Variants in CHODL observed in about 807,000 individuals in gnomAD.
CHODL encodes chondrolectin, also known as transmembrane protein MT75.
Under a neutral mutation model 34.5 loss-of-function variants are expected in CHODL, and 29 were observed. That is an observed-to-expected ratio of 0.84 (90% CI 0.63 to 1.15). The LOEUF is 1.15. Among genes scored for constraint, CHODL ranks in the 50% most tolerant of loss-of-function variants. CHODL has a pLI of 0.00. For missense variants in CHODL, 332 were observed against 332.5 expected (o/e 1.00, Z 0.01); for synonymous variants, 125 against 116.1 (o/e 1.08, Z -0.49).
chr21:18,181,674 G>A (rs1317609561), intron 2 of CHODL, among the ~76,000 whole-genome samples: 5 of 152,174 alleles, frequency 3.3e-5, no homozygotes, highest in Non-Finnish European at 5.9e-5. Context: ...ACAGGCGTGA[G>A]CCACCGCGCC....
intron 2 of CHODL, among the ~76,000 whole-genome samples, chr21:18,216,198 A>T (rs2073826373): frequency 6.6e-6 from 1 of 151,938 alleles, no homozygotes; most frequent in Non-Finnish European, 1.5e-5. Context: ...TAATATTTTG[A>T]TATATGCATA....
intron 2 of CHODL, among the ~76,000 whole-genome samples, chr21:18,045,469 G>C (rs1460007716): frequency 6.6e-6 from 1 of 151,926 alleles, no homozygotes; most frequent in Non-Finnish European, 1.5e-5. Flanking sequence ...ACAGATTGGA[G>C]TTCAGTTGCC....
rs139411020 is a variant in CHODL at position 18,130,792 on chromosome 21, C to T, written c.-45+102821C>T. Reference sequence around the variant, plus strand: ...ATCGATAGATATGTCATGGTTTCCACTAAAGAATGTTATTTATTCAATTAC... The same window carrying T: ...ATCGATAGATATGTCATGGTTTCCATTAAAGAATGTTATTTATTCAATTAC... On this transcript the variant is annotated intron_variant, in intron 2 of 6. Transcript: ENST00000400127. 3.1e-3 allele frequency among the ~76,000 whole-genome samples: 478 copies of T among 152,280 alleles called. 1 individual carries two copies. The highest frequency in any genetic ancestry group is 0.011 in the African/African-American group (460 of 41,538).
At chr21:18,128,439 C>G (rs1432157571) in intron 2 of CHODL, among the ~76,000 whole-genome samples, 1 of 150,180 alleles carries the variant, frequency 6.7e-6, no homozygotes, top group East Asian at 2.0e-4. Flanking sequence ...GAAGTCAAAG[C>G]AAAGGTAACC....
chr21:18,168,334 C>T (rs2073183295), intron 2 of CHODL, among the ~76,000 whole-genome samples: 1 of 152,192 alleles, frequency 6.6e-6, no homozygotes, highest in Non-Finnish European at 1.5e-5. Context: ...CTGACTAATA[C>T]ATCTGGGGAG....
intron 2 of CHODL, among the ~76,000 whole-genome samples, chr21:18,112,427 A>G (rs2146563759): frequency 6.6e-6 from 1 of 152,294 alleles, no homozygotes; most frequent in East Asian, 1.9e-4. Flanking sequence ...AAAAATTTAT[A>G]TGGAACCACA....
chr21:17,957,761 T>C (rs899918818), intron 1 of CHODL, among the ~76,000 whole-genome samples: 1 of 151,494 alleles, frequency 6.6e-6, no homozygotes, highest in African/African-American at 2.4e-5. Context: ...AATAATCTCT[T>C]AGTGCAAATT....
intron 1 of CHODL, among the ~76,000 whole-genome samples, chr21:17,981,226 T>A (rs2146375419): frequency 6.6e-6 from 1 of 152,338 alleles, no homozygotes; most frequent in South Asian, 2.1e-4. Context: ...CAGTAGGCTC[T>A]GACGTGTAGG....
At chr21:18,101,498 T>C (rs2065212838) in intron 2 of CHODL, among the ~76,000 whole-genome samples, 1 of 152,180 alleles carries the variant, frequency 6.6e-6, no homozygotes, top group Non-Finnish European at 1.5e-5. Flanking sequence ...GTAGAAACTT[T>C]TTAATACAAA....
chr21:18,039,513 T>C (rs1423623526), intron 2 of CHODL, among the ~76,000 whole-genome samples: 1 of 151,776 alleles, frequency 6.6e-6, no homozygotes, highest in African/African-American at 2.4e-5. Context: ...TTAGAATATT[T>C]GACCTGAATT....
At chr21:18,265,245 A>G (rs1215020881) in intron 5 of CHODL, among the ~76,000 whole-genome samples, 5 of 143,826 alleles carry the variant, frequency 3.5e-5, no homozygotes, top group Admixed American at 6.9e-5. Context: ...GTATATATAT[A>G]TGTGTATATA....
chr21:18,143,647 A>G lies in CHODL; in HGVS notation c.-44-112862A>G, dbSNP rs1242830657. On this transcript the variant is annotated intron_variant, in intron 2 of 6. Coordinates refer to the CHODL transcript ENST00000400127. The stretch of plus-strand genomic sequence containing the variant: ...ATAAGACGGGAGAGTAATAGCTCCT[A>G]GTCCCTAGTGTTGTTTTGTGAATGA... Among the ~76,000 whole-genome samples, 5 of 152,170 alleles carry G rather than the reference A, an allele frequency of 3.3e-5. No individual in the cohort carries two copies. The East Asian group carries it at 9.7e-4, about 29-fold the overall frequency.
intron 2 of CHODL, among the ~76,000 whole-genome samples, chr21:18,112,740 C>G (rs1223245229): frequency 2.0e-5 from 3 of 152,164 alleles, no homozygotes; most frequent in Non-Finnish European, 4.4e-5. Context: ...AGACCCCTAT[C>G]TCTCACCATA....
chr21:18,117,075 G>A lies in CHODL; in HGVS notation c.-45+89104G>A, dbSNP rs190645879. ...AATGGAAACCTGATCAGGTTATAGC[G>A]GTGTTCCACTATCAATAGCAAAGCA... On this transcript the variant is annotated intron_variant, in intron 2 of 6. Transcript: ENST00000400127. Among the ~76,000 whole-genome samples the A allele has an allele frequency of 8.1e-4, 124 of 152,272 alleles. 1 individual carries two copies. Among genetic ancestry groups the A allele is most frequent in the African/African-American group, 1.2e-3 (48 of 41,550 alleles).
At chr21:17,991,486 A>T (rs975125676) in intron 1 of CHODL, among the ~76,000 whole-genome samples, 2 of 151,842 alleles carry the variant, frequency 1.3e-5, no homozygotes, top group African/African-American at 4.8e-5. Flanking sequence ...TGTCTTTTTG[A>T]TAGTAGCCAT....
chr21:18,014,527 G>A (rs1475665186), intron 1 of CHODL, among the ~76,000 whole-genome samples: 1 of 152,136 alleles, frequency 6.6e-6, no homozygotes, highest in East Asian at 1.9e-4. Flanking sequence ...CAAATCTCAT[G>A]TTGAATTGTA....
chr21:18,160,608 TAG>T (rs2073085182), intron 2 of CHODL, among the ~76,000 whole-genome samples: 1 of 152,206 alleles, frequency 6.6e-6, no homozygotes, highest in African/African-American at 2.4e-5. Context: ...GTTCTTGTGT[TAG>T]TTTGCTAAGG....
chr21:17,923,461 A>ATTTTT (rs1416855160), intron 1 of CHODL, among the ~76,000 whole-genome samples: 1 of 114,380 alleles, frequency 8.7e-6, no homozygotes, highest in East Asian at 2.6e-4. Context: ...CTAATTCTTC[A>ATTTTT]GTTTTTTTTT....
intron 1 of CHODL, among the ~76,000 whole-genome samples, chr21:18,018,918 T>C (rs1371428431): frequency 1.3e-5 from 2 of 152,224 alleles, no homozygotes; most frequent in African/African-American, 4.8e-5. Context: ...ACACCTTGCT[T>C]GGTTGATCTA....
Sources: gnomAD v4.1 joint callset for allele counts (sites outside exome capture counted in the v4.1 genomes callset) on GRCh38, gnomAD v4.1.1 for gene constraint, MANE v1.5 for transcripts, NCBI Gene and HGNC (gene_info 2026-07-23, HGNC 2026-07-21) for gene names.